The following SEMA6D variants were observed in gnomAD, a reference collection of about 807,000 sequenced individuals.
The protein encoded by SEMA6D is semaphorin 6D, also known as semaphorin-6D.
In SEMA6D, 35 loss-of-function variants were observed where a neutral mutation model predicts 106.6. That is an observed-to-expected ratio of 0.33 (90% CI 0.25 to 0.44). SEMA6D has a LOEUF of 0.44. Ranked by LOEUF, SEMA6D falls within the 20% of genes least tolerant of loss-of-function variation. SEMA6D has a pLI of 1.00. For missense variants in SEMA6D, 1,185 were observed against 1,345.9 expected (o/e 0.88, Z 1.87); for synonymous variants, 499 against 487.7 (o/e 1.02, Z -0.31).
intron 3 of SEMA6D, among the ~76,000 whole-genome samples, chr15:47,505,798 T>A (rs950820722): frequency 1.1e-4 from 16 of 152,182 alleles, no homozygotes; most frequent in African/African-American, 3.9e-4. Context: ...AACTGGATCA[T>A]CCGTTATCAT....
chr15:47,642,934 A>AT (rs1468207941), intron 4 of SEMA6D, among the ~76,000 whole-genome samples: 9 of 151,968 alleles, frequency 5.9e-5, no homozygotes, highest in African/African-American at 2.2e-4. Flanking sequence ...TAGGGATTGC[A>AT]ATGGAGAGTA....
In SEMA6D at chr15:47,279,037, T is replaced by A. The variant is rs576824724; in HGVS notation, c.-239+94619T>A. Among the ~76,000 whole-genome samples, 7 of 116,108 alleles carry A rather than the reference T, an allele frequency of 6.0e-5. No individual in the cohort carries two copies. The South Asian group carries it at 2.3e-3, about 38-fold the overall frequency. 76.2% of individuals were successfully genotyped at this position (116,108 alleles called of 152,430 possible). Reference sequence around the variant, plus strand: ...TGTAGCCTTGTAGTATAGTTTGAAGTCAGGTAGTGTGATGCCTCCAGCTTT... The same window carrying A: ...TGTAGCCTTGTAGTATAGTTTGAAGACAGGTAGTGTGATGCCTCCAGCTTT... On this transcript the variant is annotated intron_variant, in intron 1 of 19. Coordinates refer to the SEMA6D transcript ENST00000558014.
At chr15:47,540,577 C>A (rs1241587965) in intron 3 of SEMA6D, among the ~76,000 whole-genome samples, 1 of 152,138 alleles carries the variant, frequency 6.6e-6, no homozygotes, top group Non-Finnish European at 1.5e-5. Flanking sequence ...GACGGAGGAA[C>A]TGGATGTGTG....
intron 1 of SEMA6D, among the ~76,000 whole-genome samples, chr15:47,759,448 G>C: frequency 6.6e-6 from 1 of 152,146 alleles, no homozygotes; most frequent in East Asian, 1.9e-4. Flanking sequence ...TGCCAAGTCA[G>C]CAGCTAGCAT....
At chr15:47,726,863 C>T (rs2079790760) in intron 1 of SEMA6D, among the ~76,000 whole-genome samples, 2 of 152,194 alleles carry the variant, frequency 1.3e-5, no homozygotes, top group South Asian at 2.1e-4. Context: ...TATCCTATTT[C>T]TTTAACTGAT....
Position 47,771,540 on chromosome 15 carries a change from C to G in SEMA6D, c.2977C>G (p.Pro993Ala). 1 of 1,614,098 alleles carries G rather than the reference C, an allele frequency of 6.2e-7. No homozygotes were observed. The highest frequency in any genetic ancestry group is 8.5e-7 in the Non-Finnish European group (1 of 1,179,990). ...AAATGGTGTTTTGTTATCCAGACAGCCTAGTATGAACCGTGGAGGATATAT... is the reference window on the plus strand; with the variant it reads ...AAATGGTGTTTTGTTATCCAGACAGGCTAGTATGAACCGTGGAGGATATAT... The part of the protein sequence containing the change: ...SPNGVLLSRQ[P>A]SMNRGGYMPT... The change falls in exon 19 of 19, where the codon CCT becomes GCT. Residue 993 changes from proline to alanine, a missense_variant. Pro to Ala is a conservative substitution (Grantham distance 27, BLOSUM62 -1). Around this residue, in one of 3 missense-constraint regions of SEMA6D, gnomAD observed 750 missense variants for 783.5 expected, o/e 0.96. Transcript: ENST00000536845.
chr15:47,321,784 G>A (rs970963306), intron 1 of SEMA6D, among the ~76,000 whole-genome samples: 1 of 152,072 alleles, frequency 6.6e-6, no homozygotes, highest in Non-Finnish European at 1.5e-5. Flanking sequence ...GTTACAGAGA[G>A]TGGCTACCTA....
intron 1 of SEMA6D, among the ~76,000 whole-genome samples, chr15:47,745,712 C>T (rs2081089609): frequency 6.6e-6 from 1 of 152,222 alleles, no homozygotes; most frequent in South Asian, 2.1e-4. Context: ...AGCCTGGGCG[C>T]TCCCTGAGCT....
At chr15:47,349,391 G>A (rs2038219405) in intron 1 of SEMA6D, among the ~76,000 whole-genome samples, 1 of 152,156 alleles carries the variant, frequency 6.6e-6, no homozygotes, top group Non-Finnish European at 1.5e-5. Flanking sequence ...ACTCTACAGG[G>A]CATGTTGGTG....
intron 4 of SEMA6D, among the ~76,000 whole-genome samples, chr15:47,637,237 A>G (rs1034334873): frequency 1.3e-5 from 2 of 152,196 alleles, no homozygotes; most frequent in Admixed American, 1.3e-4. Context: ...CTTATACTCC[A>G]AGAAGCTAAT....
At chr15:47,651,467 C>T (rs979241929) in intron 4 of SEMA6D, among the ~76,000 whole-genome samples, 1 of 152,142 alleles carries the variant, frequency 6.6e-6, no homozygotes, top group Admixed American at 6.6e-5. Flanking sequence ...TCAAAGAGCT[C>T]CTATCAGTGG....
intron 1 of SEMA6D, among the ~76,000 whole-genome samples, chr15:47,381,682 C>T (rs1025566490): frequency 6.6e-6 from 1 of 152,050 alleles, no homozygotes; most frequent in Admixed American, 6.6e-5. Flanking sequence ...ACAGTTGTGA[C>T]CCAACTCTAA....
intron 1 of SEMA6D, among the ~76,000 whole-genome samples, chr15:47,291,314 C>A (rs1430077700): frequency 2.0e-5 from 3 of 152,186 alleles, no homozygotes; most frequent in Non-Finnish European, 4.4e-5. Flanking sequence ...AGAAACTTGG[C>A]TGATGCCTGA....
chr15:47,665,978 G>C (rs189828677), intron 4 of SEMA6D, among the ~76,000 whole-genome samples: 1 of 152,184 alleles, frequency 6.6e-6, no homozygotes, highest in African/African-American at 2.4e-5. Context: ...GGAGTTCCAG[G>C]TTTTTTCTGT....
chr15:47,294,447 T>C (rs1456718527), intron 1 of SEMA6D, among the ~76,000 whole-genome samples: 1 of 152,112 alleles, frequency 6.6e-6, no homozygotes, highest in Non-Finnish European at 1.5e-5. Context: ...TGATCTCAAA[T>C]TCCTGACCTT....
intron 1 of SEMA6D, among the ~76,000 whole-genome samples, chr15:47,718,151 G>C: frequency 6.6e-6 from 1 of 152,214 alleles, no homozygotes; most frequent in African/African-American, 2.4e-5. Flanking sequence ...TTCTCTGCCG[G>C]GCACAGCGTC....
intron 4 of SEMA6D, among the ~76,000 whole-genome samples, chr15:47,659,331 A>G (rs1176823505): frequency 6.6e-6 from 1 of 151,944 alleles, no homozygotes; most frequent in East Asian, 1.9e-4. Context: ...TAAATATTAT[A>G]TTAAAATCAA....
chr15:47,518,556 A>G (rs2044464929), intron 3 of SEMA6D, among the ~76,000 whole-genome samples: 1 of 152,246 alleles, frequency 6.6e-6, no homozygotes, highest in African/African-American at 2.4e-5. Flanking sequence ...ACTGTACCGA[A>G]TATTGCAGGC....
intron 2 of SEMA6D, among the ~76,000 whole-genome samples, chr15:47,429,169 G>A (rs2140513393): frequency 6.6e-6 from 1 of 152,146 alleles, no homozygotes. Flanking sequence ...GGTACCTAGA[G>A]GGAATAACGA....
Sources: allele counts gnomAD v4.1 joint callset (sites outside exome capture counted in the v4.1 genomes callset), GRCh38; gene constraint gnomAD v4.1.1; regional missense constraint gnomAD v4.1.1; transcripts MANE v1.5; gene names NCBI Gene and HGNC (gene_info 2026-07-23, HGNC 2026-07-21).